The following ZNF341 variants were observed in gnomAD, a reference collection of about 807,000 sequenced individuals.
ZNF341 encodes zinc finger protein 341.
Under a neutral mutation model 87.7 loss-of-function variants are expected in ZNF341, and 52 were observed. The ratio of observed to expected loss-of-function variants is 0.59; its 90% CI spans 0.47 to 0.75. The LOEUF is 0.75. Ranked by LOEUF, ZNF341 falls within the 30% of genes least tolerant of loss-of-function variation. The probability of loss-of-function intolerance (pLI) is 0.00; values close to 1 mark genes in which losing one functional copy is unlikely to be tolerated. For missense variants in ZNF341, 977 were observed against 1,145.9 expected, an observed-to-expected ratio of 0.85 and a Z score of 2.13; for synonymous variants, 459 against 472.7, an observed-to-expected ratio of 0.97 and a Z score of 0.38.
At position 33,770,163 on chromosome 20, in the gene ZNF341, AG is replaced by A; in HGVS notation, c.1495del (p.Glu499ArgfsTer3). 1 of 1,614,194 alleles carries A rather than the reference AG, an allele frequency of 6.2e-7. No homozygotes were observed. The highest frequency in any genetic ancestry group is 8.5e-7 in the Non-Finnish European group (1 of 1,180,024). ...DTFLEHIKSH[Q>X]EELSYRCHLC... Reference sequence around the variant, plus strand: ...TTTCTGGAGCACATCAAGAGCCACCAGGAGGAGCTGAGCTACCGCTGCCACC... The same window carrying A: ...TTTCTGGAGCACATCAAGAGCCACCAGAGGAGCTGAGCTACCGCTGCCACC... On this transcript the variant is annotated frameshift_variant, in exon 10 of 15. Coordinates refer to ENST00000375200, the MANE Select transcript of ZNF341 (RefSeq NM_001282933.2). LOFTEE classifies it high-confidence loss of function.
Position 33,732,060 on chromosome 20 carries a change from G to A in ZNF341, c.31+8G>A. On this transcript the variant is annotated splice_region_variant and intron_variant, in intron 1 of 14. Transcript: ENST00000375200. The surrounding 1 kb of genome is among the most constrained non-coding windows in gnomAD (Gnocchi z 4.5). ...TCTTTGAGGCCCTGGAGGGTGAGCGGCGGCGGGGCCGGCGGAGGCGGCTGT... is the reference window on the plus strand; with the variant it reads ...TCTTTGAGGCCCTGGAGGGTGAGCGACGGCGGGGCCGGCGGAGGCGGCTGT... 1 of 1,281,792 alleles carries A rather than the reference G, an allele frequency of 7.8e-7. No homozygotes were observed. Among genetic ancestry groups the A allele is most frequent in the Non-Finnish European group, 9.9e-7 (1 of 1,008,812 alleles). The allele number at this position is 1,281,792 out of a possible 1,614,324, so 79.4% of individuals were successfully genotyped here.
intron 10 of ZNF341, among the ~76,000 whole-genome samples, chr20:33,779,454 T>C (rs1267418573): frequency 1.3e-5 from 2 of 149,782 alleles, no homozygotes; most frequent in African/African-American, 4.9e-5. Context: ...CTCCCTTTTT[T>C]TTTTTTTTTT....
rs879842031 is a variant in ZNF341 at position 33,791,559 on chromosome 20, T to C, written c.*42T>C. The C allele has an allele frequency of 3.3e-5, 50 of 1,499,350 alleles. No homozygotes were observed. Among genetic ancestry groups the C allele is most frequent in the Non-Finnish European group, 4.4e-5 (50 of 1,128,808 alleles). 92.9% of individuals were successfully genotyped at this position (1,499,350 alleles called of 1,614,324 possible). ...GTTTCCTGGGCAGGCCTGATGCTCCTGTTTGGGTCCAGGGCCCCTGGGGGC... is the reference window on the plus strand; with the variant it reads ...GTTTCCTGGGCAGGCCTGATGCTCCCGTTTGGGTCCAGGGCCCCTGGGGGC... On this transcript the variant is annotated 3_prime_UTR_variant, in exon 15 of 15. Coordinates refer to ENST00000375200, the MANE Select transcript of ZNF341 (RefSeq NM_001282933.2).
intron 10 of ZNF341, among the ~76,000 whole-genome samples, chr20:33,777,477 T>G (rs918107697): frequency 8.6e-5 from 13 of 151,278 alleles, no homozygotes; most frequent in Non-Finnish European, 2.9e-5. Flanking sequence ...TCTACTAAAT[T>G]ATAAAAATTA....
Position 33,791,431 on chromosome 20 carries a change from A to G in ZNF341, c.2479A>G (p.Asn827Asp), listed in dbSNP as rs1197259334. Residue 827 changes from asparagine to aspartate, a missense_variant, in exon 15 of 15, where the codon AAC (asparagine) becomes GAC (aspartate). By Grantham distance (23) the Asn-to-Asp change is conservative. This residue lies in a region of ZNF341 where 221 missense variants were observed against 212.7 expected (regional missense o/e 1.04). Transcript: ENST00000375200. Reference protein sequence around the residue: ...VPGHAEGLGSNLALAELQAGA... With the variant: ...VPGHAEGLGSDLALAELQAGA... ...TGGACACGCTGAGGGGCTGGGCTCC[A>G]ACCTGGCTCTGGCGGAGCTGCAGGC... The G allele has an allele frequency of 5.6e-6, 9 of 1,610,902 alleles. No individual in the cohort carries two copies. The highest frequency in any genetic ancestry group is 7.6e-6 in the Non-Finnish European group (9 of 1,179,564).
chr20:33,774,117 TA>T (rs60445142), intron 10 of ZNF341, among the ~76,000 whole-genome samples: 28,352 of 99,914 alleles, frequency 0.28, 4,699 homozygotes, highest in East Asian at 0.56. Context: ...CTGTCTCTAC[TA>T]AAAAAAAAAA....
At chr20:33,786,976 A>AG (rs2019879269) in intron 12 of ZNF341, 1 of 151,874 alleles carries the variant, frequency 6.6e-6, no homozygotes, top group Non-Finnish European at 1.5e-5. Flanking sequence ...TCAAAAAAAA[A>AG]AAAAAAAATA....
At chr20:33,741,144 C>G in intron 2 of ZNF341, 132 bp downstream of exon 2, 1 of 781,478 alleles carries the variant, frequency 1.3e-6, no homozygotes, top group Non-Finnish European at 2.1e-6. Context: ...TCTGAACCCT[C>G]TCCCCCGCCT....
chr20:33,734,942 G>A (rs2018648156), intron 1 of ZNF341, among the ~76,000 whole-genome samples: 1 of 151,956 alleles, frequency 6.6e-6, no homozygotes, highest in Admixed American at 6.6e-5. Context: ...CTGACCTCAA[G>A]TGATCCACCC....
At chr20:33,754,895 A>G (rs2019143460) in intron 5 of ZNF341, among the ~76,000 whole-genome samples, 1 of 152,202 alleles carries the variant, frequency 6.6e-6, no homozygotes, top group Admixed American at 6.6e-5. Context: ...AGTCACATTA[A>G]TTACTCAGTA....
intron 1 of ZNF341, among the ~76,000 whole-genome samples, chr20:33,733,164 C>T (rs925850296): frequency 6.6e-6 from 1 of 151,622 alleles, no homozygotes; most frequent in African/African-American, 2.4e-5. Context: ...CTCGTGCCTC[C>T]GCCTCCTGAG....
At position 33,791,652 on chromosome 20, in the gene ZNF341, T is replaced by A; in HGVS notation, c.*135T>A. The A allele has an allele frequency of 9.7e-7, 1 of 1,034,948 alleles. No individual in the cohort carries two copies. Among genetic ancestry groups the A allele is most frequent in the Non-Finnish European group, 1.3e-6 (1 of 742,584 alleles). 64.1% of individuals were successfully genotyped at this position (1,034,948 alleles called of 1,614,324 possible). A position where few individuals can be genotyped will look rare whatever the true frequency, so the allele number is the denominator to read the frequency against. ...TGGCAGAAATCCTGCTGAATGTCATTCAGAAACCTCAGCCCATGGTCGCCC... is the reference window on the plus strand; with the variant it reads ...TGGCAGAAATCCTGCTGAATGTCATACAGAAACCTCAGCCCATGGTCGCCC... On this transcript the variant is annotated 3_prime_UTR_variant, in exon 15 of 15. Transcript: ENST00000375200.
At position 33,768,136 on chromosome 20, in the gene ZNF341, T is replaced by TC. The variant is rs397817985; in HGVS notation, c.1413+1101dup. On this transcript the variant is annotated intron_variant, in intron 9 of 14. Transcript: ENST00000375200. ...GAACCAGGATCAAGTGTTTTTTTTTTCCCCCCGAGGCAGTCTCACTCTGTC... is the reference window on the plus strand; with the variant it reads ...GAACCAGGATCAAGTGTTTTTTTTTTCCCCCCCGAGGCAGTCTCACTCTGTC... Among the ~76,000 whole-genome samples, 58 of 150,536 alleles carry TC rather than the reference T, an allele frequency of 3.9e-4. 1 individual carries two copies. Among genetic ancestry groups the TC allele is most frequent in the Middle Eastern group, 6.8e-3 (2 of 294 alleles).
chr20:33,791,086 C>T lies in ZNF341; in HGVS notation c.2134C>T (p.Arg712Cys), dbSNP rs1344790766. 4.3e-6 allele frequency: 7 copies of T among 1,613,126 alleles called. No homozygotes were observed. Among genetic ancestry groups the T allele is most frequent in the Non-Finnish European group, 5.9e-6 (7 of 1,180,022 alleles). ...QRAHTGNYKF[R>C]CAGCAKGFSR... is the part of the protein sequence containing the mutation. ...CGCCCACACGGGCAACTACAAGTTC[C>T]GCTGTGCTGGCTGCGCCAAGGGCTT... The change falls in exon 15 of 15, where the codon CGC becomes TGC. Residue 712 changes from arginine (R) to cysteine (C), a missense_variant. Physicochemically the swap from Arg to Cys is radical, Grantham distance 180. Coordinates refer to ENST00000375200, the MANE Select transcript of ZNF341 (RefSeq NM_001282933.2).
chr20:33,773,314 G>A (rs1008569709), intron 10 of ZNF341, among the ~76,000 whole-genome samples: 6 of 152,282 alleles, frequency 3.9e-5, no homozygotes, highest in Non-Finnish European at 7.4e-5. Context: ...GATTGAGCCC[G>A]ATGCTGATGA....
chr20:33,746,226 G>GC (rs989458722), intron 3 of ZNF341, among the ~76,000 whole-genome samples: 2 of 131,114 alleles, frequency 1.5e-5, no homozygotes, highest in Non-Finnish European at 3.1e-5. Flanking sequence ...ACCGCGCCCG[G>GC]CCTTTTTTTT....
intron 10 of ZNF341, 144 bp downstream of exon 10, chr20:33,770,436 T>A: frequency 3.9e-6 from 3 of 760,682 alleles, no homozygotes; most frequent in African/African-American, 1.8e-5. Flanking sequence ...GGGTCCAGCC[T>A]GGCAGAGTGG....
rs890085455 is a variant in ZNF341, at chr20:33,736,085, A to T, written c.31+4033A>T. Among the ~76,000 whole-genome samples the T allele has an allele frequency of 7.1e-5, 10 of 140,636 alleles. 1 individual carries two copies. The East Asian group carries it at 1.1e-3, about 15-fold the overall frequency. 92.3% of individuals were successfully genotyped at this position (140,636 alleles called of 152,430 possible). A position where few individuals can be genotyped will look rare whatever the true frequency, so the allele number is the denominator to read the frequency against. On this transcript the variant is annotated intron_variant, in intron 1 of 14. Coordinates refer to ENST00000375200, the MANE Select transcript of ZNF341 (RefSeq NM_001282933.2). ...TAACCACTCACTGAAGAACATCTGAACTGTTTCCAGTTTTTACTATTTTTT... is the reference window on the plus strand; with the variant it reads ...TAACCACTCACTGAAGAACATCTGATCTGTTTCCAGTTTTTACTATTTTTT...
chr20:33,764,537 G>A (rs2019359547), intron 8 of ZNF341, among the ~76,000 whole-genome samples: 1 of 97,050 alleles, frequency 1.0e-5, no homozygotes, highest in African/African-American at 4.0e-5. Context: ...GTGTGTGTGT[G>A]TATGTGTATA....
Sources: gnomAD v4.1 joint callset for allele counts (sites outside exome capture counted in the v4.1 genomes callset) on GRCh38, gnomAD v4.1.1 for gene constraint, gnomAD v4.1.1 regional missense constraint, Gnocchi (gnomAD v3.1) non-coding constraint, MANE v1.5 for transcripts, NCBI Gene and HGNC (gene_info 2026-07-23, HGNC 2026-07-21) for gene names.